The following PPM1A variants were observed in gnomAD, a reference collection of about 807,000 sequenced individuals.
PPM1A encodes the protein protein phosphatase 1A.
In PPM1A, 7 loss-of-function variants were observed where a neutral mutation model predicts 35.0. That is an observed-to-expected ratio of 0.20 (90% CI 0.11 to 0.38). The LOEUF (loss-of-function observed/expected upper bound fraction) is 0.38. Among genes scored for constraint, PPM1A ranks in the 10% least tolerant of loss-of-function variants. The pLI is 1.00. For synonymous variants in PPM1A, 153 were observed against 167.3 expected, an observed-to-expected ratio of 0.91 and a Z score of 0.66; for missense variants, 239 against 467.8, an observed-to-expected ratio of 0.51 and a Z score of 4.51.
intron 1 of PPM1A, among the ~76,000 whole-genome samples, chr14:60,276,436 T>C (rs191940685): frequency 6.6e-6 from 1 of 152,196 alleles, no homozygotes. Flanking sequence ...AAACCTATTA[T>C]CTCAGTGGTC....
At position 60,249,568 on chromosome 14, in the gene PPM1A, C is replaced by T; in HGVS notation, c.-130C>T. 4 of 986,166 alleles carry T rather than the reference C, an allele frequency of 4.1e-6. No individual in the cohort carries two copies. Among genetic ancestry groups the T allele is most frequent in the Non-Finnish European group, 4.8e-6 (4 of 830,504 alleles). The allele number at this position is 986,166 out of a possible 1,614,324, so 61.1% of individuals were successfully genotyped here. On this transcript the variant is annotated 5_prime_UTR_variant, in exon 1 of 6. Transcript: ENST00000395076. The surrounding 1 kb of genome is among the most constrained non-coding windows in gnomAD (Gnocchi z 4.5). ...AGCCTGACCTGGCCCGCCGCTGCAG[C>T]GGTGACCCCTCCCCCGGCTGCCGCC...
chr14:60,275,330 C>T (rs1193361014), intron 1 of PPM1A, among the ~76,000 whole-genome samples: 1 of 151,970 alleles, frequency 6.6e-6, no homozygotes, highest in African/African-American at 2.4e-5. Flanking sequence ...CTTAGCCTTA[C>T]TGATGAACCA....
At chr14:60,249,137 G>C, upstream of PPM1A, 7 of 758,950 alleles carry the variant, frequency 9.2e-6, no homozygotes, top group Non-Finnish European at 1.1e-5. The surrounding 1 kb of genome is among the most constrained non-coding windows in gnomAD (Gnocchi z 4.5). Context: ...CAGCTGTAGC[G>C]GCGGCGGAGC....
chr14:60,246,023 G>T, upstream of PPM1A: 1 of 1,578,918 alleles, frequency 6.3e-7, no homozygotes, highest in Non-Finnish European at 8.6e-7. Flanking sequence ...AAGAGGATGT[G>T]TGAGAGAAAA....
At chr14:60,255,472 A>C (rs986674610) in intron 1 of PPM1A, among the ~76,000 whole-genome samples, 1 of 152,128 alleles carries the variant, frequency 6.6e-6, no homozygotes, top group Non-Finnish European at 1.5e-5. Flanking sequence ...CGCCCGGCCT[A>C]TCATATGTTT....
intron 1 of PPM1A, chr14:60,250,505 A>G (rs1882257632): frequency 1.2e-6 from 1 of 816,860 alleles, no homozygotes; most frequent in South Asian, 5.5e-5. Context: ...CTCCTGAAAC[A>G]CCACATGGTA....
chr14:60,277,001 A>T, intron 1 of PPM1A: 8 of 1,127,234 alleles, frequency 7.1e-6, no homozygotes, highest in Non-Finnish European at 8.9e-6. Flanking sequence ...GTTTTTTGTC[A>T]TAGTACTTTG....
At chr14:60,275,063 T>C (rs1885591877) in intron 1 of PPM1A, among the ~76,000 whole-genome samples, 1 of 136,328 alleles carries the variant, frequency 7.3e-6, no homozygotes, top group East Asian at 2.0e-4. Flanking sequence ...TTCTTTTCTC[T>C]TCTTCCTTTT....
intron 1 of PPM1A, among the ~76,000 whole-genome samples, chr14:60,254,914 G>A (rs761475428): frequency 2.0e-5 from 3 of 152,124 alleles, no homozygotes; most frequent in Non-Finnish European, 4.4e-5. Flanking sequence ...CAAGACATTA[G>A]TCTGTTATAA....
intron 1 of PPM1A, among the ~76,000 whole-genome samples, chr14:60,261,556 G>T (rs573112572): frequency 1.3e-5 from 2 of 152,130 alleles, no homozygotes; most frequent in South Asian, 4.2e-4. Context: ...CTTTGGATTG[G>T]AACCAGTACA....
chr14:60,262,207 A>T (rs1476638021), intron 1 of PPM1A, among the ~76,000 whole-genome samples: 1 of 152,220 alleles, frequency 6.6e-6, no homozygotes, highest in African/African-American at 2.4e-5. Flanking sequence ...TTTCTTTACA[A>T]AAGATTTCCT....
chr14:60,257,561 A>G (rs1413593066), intron 1 of PPM1A, among the ~76,000 whole-genome samples: 1 of 152,192 alleles, frequency 6.6e-6, no homozygotes, highest in Admixed American at 6.5e-5. Flanking sequence ...TTTTTTAGTT[A>G]TACTTTAGGT....
chr14:60,288,008 A>G lies in PPM1A; in HGVS notation c.953-1798A>G, dbSNP rs192675742. On this transcript the variant is annotated intron_variant, in intron 3 of 5. Transcript: ENST00000395076. Reference sequence around the variant, plus strand: ...AGAAAAAGCGTTCAGTCTTTTTACAATTCTAAGTAAAACGTATAGGTCAAC... The same window carrying G: ...AGAAAAAGCGTTCAGTCTTTTTACAGTTCTAAGTAAAACGTATAGGTCAAC... 41 of 980,456 alleles carry G rather than the reference A, an allele frequency of 4.2e-5. No homozygotes were observed. The Admixed American group carries it at 1.7e-3, about 41-fold the overall frequency. The allele number at this position is 980,456 out of a possible 1,614,324, so 60.7% of individuals were successfully genotyped here. A position where few individuals can be genotyped will look rare whatever the true frequency, so the allele number is the denominator to read the frequency against.
At chr14:60,251,307 T>C (rs1882387887) in intron 1 of PPM1A, among the ~76,000 whole-genome samples, 1 of 152,266 alleles carries the variant, frequency 6.6e-6, no homozygotes, top group Non-Finnish European at 1.5e-5. Context: ...AGACTGATAA[T>C]GTTTGAAGTT....
At chr14:60,287,681 C>G (rs1887166407) in intron 3 of PPM1A, 1 of 985,222 alleles carries the variant, frequency 1.0e-6, no homozygotes. Context: ...GGACAAAGGC[C>G]TTCCAGCTCT....
At chr14:60,254,864 A>G (rs1371894667) in intron 1 of PPM1A, among the ~76,000 whole-genome samples, 1 of 152,168 alleles carries the variant, frequency 6.6e-6, no homozygotes. Flanking sequence ...AAAGTTCAGA[A>G]TTCTTGGTTT....
intron 1 of PPM1A, among the ~76,000 whole-genome samples, chr14:60,253,785 T>C (rs1050608560): frequency 6.6e-6 from 1 of 152,186 alleles, no homozygotes. Context: ...GTGGTTGATA[T>C]CCTTAATGAA....
At chr14:60,249,128 A>C (rs1882000112), upstream of PPM1A, 1 of 682,190 alleles carries the variant, frequency 1.5e-6, no homozygotes, top group Non-Finnish European at 1.8e-6. The surrounding 1 kb of genome is among the most constrained non-coding windows in gnomAD (Gnocchi z 4.5). Flanking sequence ...GCCGCGCCGC[A>C]GCTGTAGCGG....
chr14:60,265,968 A>G (rs1425347387), intron 1 of PPM1A, among the ~76,000 whole-genome samples: 1 of 152,232 alleles, frequency 6.6e-6, no homozygotes, highest in Non-Finnish European at 1.5e-5. Context: ...GCAGAAGTCA[A>G]TGTTTAAAAT....
Sources: gnomAD v4.1 joint callset for allele counts (sites outside exome capture counted in the v4.1 genomes callset) on GRCh38, gnomAD v4.1.1 for gene constraint, Gnocchi (gnomAD v3.1) non-coding constraint, MANE v1.5 for transcripts, NCBI Gene and HGNC (gene_info 2026-07-23, HGNC 2026-07-21) for gene names.